The following KCNN3 variants were observed in gnomAD, a reference collection of about 807,000 sequenced individuals.
KCNN3 encodes small conductance calcium-activated potassium channel protein 3.
Under a neutral mutation model 62.9 loss-of-function variants are expected in KCNN3, and 16 were observed. The observed-to-expected ratio is 0.25, with a 90% CI of 0.17 to 0.39. KCNN3 has a LOEUF of 0.39. Among genes scored for constraint, KCNN3 ranks in the 10% least tolerant of loss-of-function variants. The pLI, the probability that KCNN3 is intolerant of heterozygous loss-of-function variation, is 1.00. For synonymous variants in KCNN3, 370 were observed against 389.2 expected (o/e 0.95, Z 0.58); for missense variants, 599 against 949.4 (o/e 0.63, Z 4.85).
intron 3 of KCNN3, among the ~76,000 whole-genome samples, chr1:154,733,683 G>C (rs1053666763): frequency 1.3e-5 from 2 of 152,158 alleles, no homozygotes; most frequent in Admixed American, 1.3e-4. Flanking sequence ...TCTCTAGAGG[G>C]GGCTCTGGGG....
At chr1:154,793,762 C>T (rs1243717150) in intron 2 of KCNN3, among the ~76,000 whole-genome samples, 3 of 152,118 alleles carry the variant, frequency 2.0e-5, no homozygotes, top group African/African-American at 4.8e-5. Context: ...ACCTCGTTAA[C>T]GTAGTTGACT....
intron 7 of KCNN3, among the ~76,000 whole-genome samples, chr1:154,708,543 T>C (rs1383089580): frequency 6.6e-6 from 1 of 152,058 alleles, no homozygotes; most frequent in African/African-American, 2.4e-5. Context: ...CTTTTTTTTT[T>C]CTTAAATAAA....
chr1:154,754,232 G>C (rs755675708), intron 3 of KCNN3, among the ~76,000 whole-genome samples: 1 of 152,162 alleles, frequency 6.6e-6, no homozygotes, highest in Non-Finnish European at 1.5e-5. Context: ...AGCCAGAAAA[G>C]CTACTTCTGT....
rs11810668 is a variant in KCNN3, at chr1:154,766,765, C to T, written c.1448+5210G>A. On this transcript the variant is annotated intron_variant, in intron 3 of 7. Transcript: ENST00000271915. ...CGTGATCTCGGCTCACTGCAAGCTC[C>T]GCCTCCTGGGTTCACGCCATTCTCC... Among the ~76,000 whole-genome samples, 1,314 of 151,280 alleles carry T rather than the reference C, an allele frequency of 8.7e-3. 8 individuals carry two copies. The highest frequency in any genetic ancestry group is 0.014 in the Middle Eastern group (4 of 294).
Position 154,715,769 on chromosome 1 carries a change from T to C in KCNN3, c.1702-766A>G, listed in dbSNP as rs558234955. 5.1e-4 allele frequency among the ~76,000 whole-genome samples: 77 copies of C among 152,338 alleles called. 1 individual carries two copies. Among genetic ancestry groups the C allele is most frequent in the Admixed American group, 2.0e-3 (30 of 15,302 alleles). On this transcript the variant is annotated intron_variant, in intron 5 of 7. Coordinates refer to ENST00000271915, the MANE Select transcript of KCNN3 (RefSeq NM_002249.6). ...ACCATTGCTGCCCTTACATGCAGACTTCCGAGCTTTGCCTGAGATTGCCAC... is the reference window on the plus strand; with the variant it reads ...ACCATTGCTGCCCTTACATGCAGACCTCCGAGCTTTGCCTGAGATTGCCAC...
chr1:154,869,082 T>C lies in KCNN3; in HGVS notation c.883A>G (p.Ile295Val), dbSNP rs757106174. 1 of 1,614,166 alleles carries C rather than the reference T, an allele frequency of 6.2e-7. No homozygotes were observed. Among genetic ancestry groups the C allele is most frequent in the South Asian group, 1.1e-5 (1 of 91,086 alleles). Reference sequence around the variant, plus strand: ...TCGGTCTCTATCACCATAACAACAATTCCAAACATCCCAAAAATCAGAGCA... The same window carrying C: ...TCGGTCTCTATCACCATAACAACAACTCCAAACATCCCAAAAATCAGAGCA... ...DYALIFGMFG[I>V]VVMVIETELS... The change falls in exon 1 of 8, where the codon ATT becomes GTT. Residue 295 changes from isoleucine to valine, a missense_variant. Physicochemically the swap from Ile to Val is conservative, Grantham distance 29 (BLOSUM62 3). Around this residue, in one of 7 missense-constraint regions of KCNN3, gnomAD observed 288 missense variants for 557.4 expected, o/e 0.52. Transcript: ENST00000271915. This position sits in a 1 kb window ranked among gnomAD's most constrained non-coding sequence, Gnocchi z 6.1.
chr1:154,733,533 C>T (rs1700644685), intron 3 of KCNN3, among the ~76,000 whole-genome samples: 1 of 152,210 alleles, frequency 6.6e-6, no homozygotes, highest in Admixed American at 6.5e-5. Context: ...AAATCACAAG[C>T]TCCTGAACAG....
In KCNN3 at chr1:154,704,297, G is replaced by A. The variant is rs1334911465; in HGVS notation, c.*3679C>T. The A allele has an allele frequency of 6.6e-6, 1 of 152,218 alleles. No individual in the cohort carries two copies. Among genetic ancestry groups the A allele is most frequent in the Non-Finnish European group, 1.5e-5 (1 of 68,042 alleles). 9.4% of individuals were successfully genotyped at this position (152,218 alleles called of 1,614,324 possible). A position where few individuals can be genotyped will look rare whatever the true frequency, so the allele number is the denominator to read the frequency against. On this transcript the variant is annotated 3_prime_UTR_variant, in exon 8 of 8. Coordinates refer to ENST00000271915, the MANE Select transcript of KCNN3 (RefSeq NM_002249.6). ...TTGGATTGTATTAAGCACTTCTAGAGACATGATGTCATGAAGTTACGTATT... is the reference window on the plus strand; with the variant it reads ...TTGGATTGTATTAAGCACTTCTAGAAACATGATGTCATGAAGTTACGTATT...
intron 1 of KCNN3, among the ~76,000 whole-genome samples, chr1:154,845,029 A>G (rs926009396): frequency 3.0e-4 from 46 of 152,090 alleles, no homozygotes; most frequent in African/African-American, 8.2e-4. Context: ...AAGAGAGAGA[A>G]AAAAAACTGG....
intron 2 of KCNN3, among the ~76,000 whole-genome samples, chr1:154,776,081 C>A (rs751266249): frequency 6.6e-6 from 1 of 152,204 alleles, no homozygotes; most frequent in Non-Finnish European, 1.5e-5. Flanking sequence ...TGGTCCCCAG[C>A]TGCCTCTCAG....
At chr1:154,778,755 C>G (rs763009435) in intron 2 of KCNN3, among the ~76,000 whole-genome samples, 9 of 151,474 alleles carry the variant, frequency 5.9e-5, no homozygotes, top group Non-Finnish European at 1.2e-4. Flanking sequence ...GCACCCACAA[C>G]CACACTTGGC....
intron 5 of KCNN3, among the ~76,000 whole-genome samples, chr1:154,722,183 A>G (rs1174493040): frequency 1.3e-5 from 2 of 152,168 alleles, no homozygotes; most frequent in Non-Finnish European, 2.9e-5. Context: ...ATTTTCTATG[A>G]TTAATAGCTA....
rs1699815817 is a variant in KCNN3 at position 154,699,822 on chromosome 1, A to G, written c.*8154T>C. 1 of 152,160 alleles carries G rather than the reference A, an allele frequency of 6.6e-6. No individual in the cohort carries two copies. The highest frequency in any genetic ancestry group is 1.5e-5 in the Non-Finnish European group (1 of 68,030). The allele number at this position is 152,160 out of a possible 1,614,324, so 9.4% of individuals were successfully genotyped here. On this transcript the variant is annotated 3_prime_UTR_variant, in exon 8 of 8. Transcript: ENST00000271915. ...TACTATGCTAAGCAGAGACTCCTGTAGCCTTCCAGAGGACCTGCCCTGAGG... is the reference window on the plus strand; with the variant it reads ...TACTATGCTAAGCAGAGACTCCTGTGGCCTTCCAGAGGACCTGCCCTGAGG...
intron 1 of KCNN3, 35 bp from the exon 2 acceptor site, chr1:154,822,219 G>A (rs774031104): frequency 1.6e-5 from 24 of 1,458,036 alleles, no homozygotes; most frequent in Non-Finnish European, 2.1e-5. Context: ...ATTAGGGAGT[G>A]CGGGGAAAGG....
chr1:154,869,225 C>T lies in KCNN3; in HGVS notation c.740G>A (p.Gly247Asp), dbSNP rs1409684244. Residue 247 changes from glycine (G) to aspartate (D), a missense_variant, in exon 1 of 8, where the codon GGC becomes GAC. Around this residue, in one of 7 missense-constraint regions of KCNN3, gnomAD observed 80 missense variants for 85.4 expected, o/e 0.94. Transcript: ENST00000271915. This position sits in a 1 kb window ranked among gnomAD's most constrained non-coding sequence, Gnocchi z 6.1. ...GAAGGTGGTGCTGCTGGCGGTGGTG[C>T]CGGCATGCTGGTGGTTGTGGGTGGC... ...PNATHNHQHA[G>D]TTASSTTFPK... The T allele has an allele frequency of 8.1e-6, 13 of 1,612,926 alleles. No individual in the cohort carries two copies. The highest frequency in any genetic ancestry group is 1.1e-5 in the Non-Finnish European group (13 of 1,179,586).
At chr1:154,827,673 C>A (rs946986396) in intron 1 of KCNN3, among the ~76,000 whole-genome samples, 1 of 152,042 alleles carries the variant, frequency 6.6e-6, no homozygotes, top group Non-Finnish European at 1.5e-5. Flanking sequence ...GTGGTGCAAG[C>A]CTGTAGTCTC....
chr1:154,734,140 C>T (rs1700658599), intron 3 of KCNN3, among the ~76,000 whole-genome samples: 1 of 152,200 alleles, frequency 6.6e-6, no homozygotes, highest in African/African-American at 2.4e-5. Context: ...AAGCCCAGGG[C>T]TTATACAAAG....
rs9970364 is a variant in KCNN3, at chr1:154,821,842, T to C, written c.1029+247A>G. On this transcript the variant is annotated intron_variant, in intron 2 of 7. Coordinates refer to ENST00000271915, the MANE Select transcript of KCNN3 (RefSeq NM_002249.6). Reference sequence around the variant, plus strand: ...CAGCCTCGCTCAACATGAAGCCCTATGTTTGCCTCTGGGATCCCCACTTTG... The same window carrying C: ...CAGCCTCGCTCAACATGAAGCCCTACGTTTGCCTCTGGGATCCCCACTTTG... Among the ~76,000 whole-genome samples the C allele has an allele frequency of 0.1, 15,165 of 152,242 alleles. 1,367 individuals carry two copies. Among genetic ancestry groups the C allele is most frequent in the East Asian group, 0.36 (1,885 of 5,170 alleles).
chr1:154,775,125 G>A (rs962316696), intron 2 of KCNN3, among the ~76,000 whole-genome samples: 1 of 152,176 alleles, frequency 6.6e-6, no homozygotes, highest in Non-Finnish European at 1.5e-5. Flanking sequence ...CTCCTTGATG[G>A]TCTGGGCCAA....
Sources: allele counts gnomAD v4.1 joint callset (sites outside exome capture counted in the v4.1 genomes callset), GRCh38; gene constraint gnomAD v4.1.1; regional missense constraint gnomAD v4.1.1; non-coding constraint Gnocchi (gnomAD v3.1); transcripts MANE v1.5; gene names NCBI Gene and HGNC (gene_info 2026-07-23, HGNC 2026-07-21).